Variants in CEP128 observed in about 807,000 individuals in gnomAD.
CEP128 encodes the protein centrosomal protein 128kDa.
In CEP128, 132 loss-of-function variants were observed where a neutral mutation model predicts 156.7. The ratio of observed to expected loss-of-function variants is 0.84; its 90% CI spans 0.73 to 0.97. The LOEUF (loss-of-function observed/expected upper bound fraction) is 0.97. Among genes scored for constraint, CEP128 ranks in the 50% least tolerant of loss-of-function variants. CEP128 has a pLI of 0.00. For missense variants in CEP128, 1,252 were observed against 1,281.9 expected, an observed-to-expected ratio of 0.98 and a Z score of 0.36; for synonymous variants, 469 against 448.9, an observed-to-expected ratio of 1.04 and a Z score of -0.57.
rs376386119 is a variant in CEP128, at chr14:80,831,175, T to C, written c.1177A>G (p.Lys393Glu). Residue 393 changes from lysine to glutamate, a missense_variant, in exon 13 of 25, where the codon AAG becomes GAG. By Grantham distance (56) the Lys-to-Glu change is moderately conservative (BLOSUM62 1). Transcript: ENST00000555265. Reference protein sequence around the residue: ...EVKRCMERKDKEKAHLASQVE... With the variant: ...EVKRCMERKDEEKAHLASQVE... The stretch of plus-strand genomic sequence containing the variant: ...TGTGATGCCAAATGTGCTTTCTCCT[T>C]GTCTTTTCTCTCCATGCACCGTTTC... 5 of 1,614,064 alleles carry C rather than the reference T, an allele frequency of 3.1e-6. No individual in the cohort carries two copies. Among genetic ancestry groups the C allele is most frequent in the Non-Finnish European group, 4.2e-6 (5 of 1,179,944 alleles).
chr14:80,716,446 C>T (rs1323861061), intron 19 of CEP128, among the ~76,000 whole-genome samples: 1 of 152,156 alleles, frequency 6.6e-6, no homozygotes, highest in Non-Finnish European at 1.5e-5. Flanking sequence ...ATAGTACAAC[C>T]ACCAGTATCT....
downstream of CEP128, among the ~76,000 whole-genome samples, chr14:80,492,150 G>A (rs1887345525): frequency 6.6e-6 from 1 of 152,170 alleles, no homozygotes; most frequent in African/African-American, 2.4e-5. Flanking sequence ...TAAAACAGAT[G>A]TGCAACTGGA....
chr14:80,694,699 T>C (rs1332236663), intron 19 of CEP128, among the ~76,000 whole-genome samples: 1 of 145,908 alleles, frequency 6.9e-6, no homozygotes, highest in Non-Finnish European at 1.5e-5. Context: ...AGTTGAACAA[T>C]GAGAACACAT....
Position 80,557,704 on chromosome 14 carries a change from C to T in CEP128, c.2880+1575G>A, listed in dbSNP as rs187850585. Among the ~76,000 whole-genome samples the T allele has an allele frequency of 1.8e-4, 27 of 152,210 alleles. No homozygotes were observed. The East Asian group carries it at 4.2e-3, about 24-fold the overall frequency. ...TTATTTATCCATAGGGTCTGGACAT[C>T]GTCAATCAAAATCACTTGCTTGCAT... On this transcript the variant is annotated intron_variant, in intron 21 of 24. Coordinates refer to ENST00000555265, the MANE Select transcript of CEP128 (RefSeq NM_152446.5).
chr14:80,915,194 C>A (rs1455492642), intron 3 of CEP128, among the ~76,000 whole-genome samples: 1 of 150,096 alleles, frequency 6.7e-6, no homozygotes. Context: ...TTTTTTTTTT[C>A]CTAATTTGTG....
intron 13 of CEP128, among the ~76,000 whole-genome samples, chr14:80,801,177 C>A (rs1378964825): frequency 6.6e-6 from 1 of 152,188 alleles, no homozygotes; most frequent in Non-Finnish European, 1.5e-5. Flanking sequence ...ATCATTTCAT[C>A]TGCAAACAGA....
intron 19 of CEP128, among the ~76,000 whole-genome samples, chr14:80,612,093 T>C (rs2140589659): frequency 6.6e-6 from 1 of 152,060 alleles, no homozygotes; most frequent in South Asian, 2.1e-4. Flanking sequence ...AAACCTTAGA[T>C]ATATGAGTAC....
chr14:80,769,599 C>T (rs940580864), intron 16 of CEP128, among the ~76,000 whole-genome samples: 7 of 152,066 alleles, frequency 4.6e-5, no homozygotes, highest in East Asian at 1.9e-4. Flanking sequence ...TCCTTTTTTA[C>T]GGCTGCATAG....
chr14:80,618,351 G>A (rs6574592), intron 19 of CEP128, among the ~76,000 whole-genome samples: 95,365 of 152,096 alleles, frequency 0.63, 30,407 homozygotes, highest in Non-Finnish European at 0.66. Context: ...AACAAATCTC[G>A]GTGTACATTC....
At chr14:80,597,262 A>G (rs1452347525) in intron 19 of CEP128, among the ~76,000 whole-genome samples, 1 of 152,182 alleles carries the variant, frequency 6.6e-6, no homozygotes, top group Non-Finnish European at 1.5e-5. Flanking sequence ...AGATATTCCT[A>G]TAGGTCCTGC....
At chr14:80,905,396 C>A (rs1331964683) in intron 5 of CEP128, 4 of 155,552 alleles carry the variant, frequency 2.6e-5, no homozygotes, top group African/African-American at 4.8e-5. Flanking sequence ...GTAATATTAA[C>A]GATGTAAGGT....
intron 13 of CEP128, among the ~76,000 whole-genome samples, chr14:80,812,256 A>T (rs1884599295): frequency 6.6e-6 from 1 of 152,212 alleles, no homozygotes; most frequent in African/African-American, 2.4e-5. Flanking sequence ...ATGGCTGTGT[A>T]GTATTCCATG....
At chr14:80,505,237 T>G (rs1887919312) in intron 23 of CEP128, among the ~76,000 whole-genome samples, 1 of 152,234 alleles carries the variant, frequency 6.6e-6, no homozygotes, top group African/African-American at 2.4e-5. Context: ...ACATGACATA[T>G]TTCTTTCCAG....
At chr14:80,922,251 C>A (rs914851461) in intron 2 of CEP128, among the ~76,000 whole-genome samples, 17 of 152,274 alleles carry the variant, frequency 1.1e-4, no homozygotes, top group Middle Eastern at 3.4e-3. Flanking sequence ...ATTTCCTAGT[C>A]CCCTGGCATC....
At chr14:80,744,294 C>A (rs752949362) in intron 18 of CEP128, among the ~76,000 whole-genome samples, 1 of 152,098 alleles carries the variant, frequency 6.6e-6, no homozygotes, top group Non-Finnish European at 1.5e-5. Flanking sequence ...AGGCTACCCT[C>A]CAATTCCTAG....
chr14:80,790,602 G>A (rs922188097), intron 14 of CEP128, among the ~76,000 whole-genome samples: 2 of 151,514 alleles, frequency 1.3e-5, no homozygotes, highest in Admixed American at 6.6e-5. Flanking sequence ...GCAGTGATAC[G>A]CGATTTGATA....
intron 8 of CEP128, among the ~76,000 whole-genome samples, chr14:80,874,484 A>C (rs979013376): frequency 2.0e-5 from 3 of 152,074 alleles, no homozygotes; most frequent in African/African-American, 7.2e-5. Flanking sequence ...AAAAAAAAGA[A>C]AGAAAGGAAA....
intron 2 of CEP128, among the ~76,000 whole-genome samples, chr14:80,919,557 T>C (rs1390754585): frequency 6.6e-6 from 1 of 152,212 alleles, no homozygotes; most frequent in Non-Finnish European, 1.5e-5. Flanking sequence ...CTCCAGGCTA[T>C]GTTTTTATAC....
intron 18 of CEP128, among the ~76,000 whole-genome samples, chr14:80,756,312 T>C (rs1899654948): frequency 6.6e-6 from 1 of 152,186 alleles, no homozygotes; most frequent in South Asian, 2.1e-4. Context: ...TTGTTAAGAA[T>C]GCTTTGTTTT....
Sources: allele counts gnomAD v4.1 joint callset (sites outside exome capture counted in the v4.1 genomes callset), GRCh38; gene constraint gnomAD v4.1.1; transcripts MANE v1.5; gene names NCBI Gene and HGNC (gene_info 2026-07-23, HGNC 2026-07-21).